The following PELI3 variants were observed in gnomAD, a reference collection of about 807,000 sequenced individuals.
PELI3 encodes the protein E3 ubiquitin-protein ligase pellino homolog 3.
PELI3 carries 19 observed loss-of-function variants against 35.5 expected under a neutral mutation model. That is an observed-to-expected ratio of 0.54 (90% CI 0.37 to 0.79). The LOEUF is 0.79. Among genes scored for constraint, PELI3 ranks in the 30% least tolerant of loss-of-function variants. The pLI is 0.00. For synonymous variants in PELI3, 262 were observed against 279.2 expected, an observed-to-expected ratio of 0.94 and a Z score of 0.62; for missense variants, 490 against 661.2, an observed-to-expected ratio of 0.74 and a Z score of 2.84.
rs140773011 is a variant in PELI3, at chr11:66,469,800, T to G, written c.224+896T>G. Among the ~76,000 whole-genome samples, 195 of 143,742 alleles carry G rather than the reference T, an allele frequency of 1.4e-3. 1 individual carries two copies. The highest frequency in any genetic ancestry group is 0.012 in the East Asian group (60 of 4,970). The allele number at this position is 143,742 out of a possible 152,430, so 94.3% of individuals were successfully genotyped here. On this transcript the variant is annotated intron_variant, in intron 3 of 7. Coordinates refer to ENST00000320740, the MANE Select transcript of PELI3 (RefSeq NM_145065.3). ...TGGGACCAGGGAATCTGTTTTTTTT[T>G]TTTGTTTTTTTTTTTTTGAGACAGA...
intron 4 of PELI3, 22 bp downstream of exon 4, chr11:66,471,393 C>T: frequency 1.2e-6 from 2 of 1,611,488 alleles, no homozygotes; most frequent in Non-Finnish European, 1.7e-6. Context: ...ACCCATAGAC[C>T]TGAGGTCCTG....
At chr11:66,469,045 G>A (rs1854629333) in intron 3 of PELI3, 141 bp downstream of exon 3, 1 of 541,348 alleles carries the variant, frequency 1.8e-6, no homozygotes, top group Non-Finnish European at 3.4e-6. Flanking sequence ...CTGGCGGCCT[G>A]GCCAACCTCA....
chr11:66,471,085 G>A (rs1854698592), intron 3 of PELI3, among the ~76,000 whole-genome samples, 157 bp from the exon 4 acceptor site: 1 of 152,206 alleles, frequency 6.6e-6, no homozygotes, highest in Non-Finnish European at 1.5e-5. Flanking sequence ...ATTTGTTATT[G>A]TAGGGTCTTC....
At position 66,476,404 on chromosome 11, in the gene PELI3, GAAAGC is replaced by G; in HGVS notation, c.*238_*242del. 1 of 566,598 alleles carries G rather than the reference GAAAGC, an allele frequency of 1.8e-6. No homozygotes were observed. The highest frequency in any genetic ancestry group is 3.0e-5 in the East Asian group (1 of 33,384). The allele number at this position is 566,598 out of a possible 1,614,324, so 35.1% of individuals were successfully genotyped here. A position where few individuals can be genotyped will look rare whatever the true frequency, so the allele number is the denominator to read the frequency against. On this transcript the variant is annotated 3_prime_UTR_variant, in exon 8 of 8. Coordinates refer to ENST00000320740, the MANE Select transcript of PELI3 (RefSeq NM_145065.3). ...CCAGCTCTGTCCTGGGTCGATGGAG[GAAAGC>G]CCAGCCCCATGGCCTTGCCCTTCCT...
chr11:66,472,172 C>T (rs1244663503), intron 4 of PELI3, among the ~76,000 whole-genome samples, 197 bp from the exon 5 acceptor site: 1 of 152,116 alleles, frequency 6.6e-6, no homozygotes, highest in East Asian at 1.9e-4. Context: ...CCGCACCCAG[C>T]CTGATAACCC....
At chr11:66,468,091 G>A in intron 1 of PELI3, 37 bp from the exon 2 acceptor site, 1 of 1,551,446 alleles carries the variant, frequency 6.4e-7, no homozygotes, top group Non-Finnish European at 8.7e-7. Flanking sequence ...GCTGGGGTGG[G>A]AACCTACAAA....
At position 66,473,411 on chromosome 11, in the gene PELI3, T is replaced by C. The variant is rs2277302; in HGVS notation, c.627T>C (p.Asp209=). ...YTARIYAAGF[D]ASSNIFLGER... is the part of the protein sequence containing the mutation. The stretch of plus-strand genomic sequence containing the variant: ...CCCGCATCTATGCCGCTGGCTTCGA[T>C]GCCTCTAGCAACATCTTCCTTGGAG... Residue 209 remains aspartate, a synonymous_variant, in exon 6 of 8, where the codon GAT becomes GAC. Transcript: ENST00000320740. This position sits in a 1 kb window ranked among gnomAD's most constrained non-coding sequence, Gnocchi z 5.8. 0.25 allele frequency: 395,801 copies of C among 1,612,418 alleles called. 50,539 individuals carry two copies. Among genetic ancestry groups the C allele is most frequent in the African/African-American group, 0.34 (25,282 of 74,924 alleles).
At position 66,473,071 on chromosome 11, in the gene PELI3, C is replaced by T. The variant is rs146426622; in HGVS notation, c.457-170C>T. ...CGGCTTCTTGGACTTGGAGACCCCACCTGGGAGCCTAGAGGGCCTATGGAG... is the reference window on the plus strand; with the variant it reads ...CGGCTTCTTGGACTTGGAGACCCCATCTGGGAGCCTAGAGGGCCTATGGAG... On this transcript the variant is annotated intron_variant, in intron 5 of 7. Coordinates refer to ENST00000320740, the MANE Select transcript of PELI3 (RefSeq NM_145065.3). This position sits in a 1 kb window ranked among gnomAD's most constrained non-coding sequence, Gnocchi z 5.8. 4.0e-4 allele frequency among the ~76,000 whole-genome samples: 61 copies of T among 152,268 alleles called. No individual in the cohort carries two copies. Among genetic ancestry groups the T allele is most frequent in the African/African-American group, 1.4e-3 (58 of 41,542 alleles).
rs1273251496 is a variant in PELI3 at position 66,469,796 on chromosome 11, TTTTTTTTG to T, written c.224+900_224+907del. Among the ~76,000 whole-genome samples, 13 of 142,816 alleles carry T rather than the reference TTTTTTTTG, an allele frequency of 9.1e-5. 1 individual carries two copies. The highest frequency in any genetic ancestry group is 3.4e-4 in the African/African-American group (13 of 38,278). The allele number at this position is 142,816 out of a possible 152,430, so 93.7% of individuals were successfully genotyped here. ...TGGGTGGGACCAGGGAATCTGTTTT[TTTTTTTTG>T]TTTTTTTTTTTTTGAGACAGAGTCT... On this transcript the variant is annotated intron_variant, in intron 3 of 7. Coordinates refer to ENST00000320740, the MANE Select transcript of PELI3 (RefSeq NM_145065.3).
chr11:66,471,908 G>A (rs1425626955), intron 4 of PELI3, among the ~76,000 whole-genome samples: 1 of 152,102 alleles, frequency 6.6e-6, no homozygotes, highest in Admixed American at 6.5e-5. Flanking sequence ...CACCCAGGCT[G>A]GAGTACAGTG....
At chr11:66,474,982 C>T (rs950242329) in intron 7 of PELI3, 3 of 152,386 alleles carry the variant, frequency 2.0e-5, no homozygotes, top group Admixed American at 1.3e-4. Context: ...GCGCTCGTCT[C>T]GGCCTCCCAA....
Position 66,471,329 on chromosome 11 carries a change from G to A in PELI3, c.312G>A (p.Lys104=), listed in dbSNP as rs1678844324. The change falls in exon 4 of 8, where the codon AAG becomes AAA. Residue 104 remains lysine (K), a synonymous_variant. Coordinates refer to ENST00000320740, the MANE Select transcript of PELI3 (RefSeq NM_145065.3). ...LSRRSHANGV[K]PDVMHHISTP... ...GCCGGTCGCACGCCAACGGGGTGAA[G>A]CCAGACGTCATGCACCACATCTCCA... 1 of 1,613,940 alleles carries A rather than the reference G, an allele frequency of 6.2e-7. No individual in the cohort carries two copies. The highest frequency in any genetic ancestry group is 1.3e-5 in the African/African-American group (1 of 74,940).
chr11:66,473,423 C>T lies in PELI3; in HGVS notation c.639C>T (p.Asn213=). Residue 213 remains asparagine, a synonymous_variant, in exon 6 of 8, where the codon AAC becomes AAT. Transcript: ENST00000320740. The surrounding 1 kb of genome is among the most constrained non-coding windows in gnomAD (Gnocchi z 5.8). ...CCGCTGGCTTCGATGCCTCTAGCAACATCTTCCTTGGAGTGAGTGAGCCCC... is the reference window on the plus strand; with the variant it reads ...CCGCTGGCTTCGATGCCTCTAGCAATATCTTCCTTGGAGTGAGTGAGCCCC... ...IYAAGFDASS[N]IFLGERAAKW... The T allele has an allele frequency of 6.2e-7, 1 of 1,612,036 alleles. No individual in the cohort carries two copies. The highest frequency in any genetic ancestry group is 8.5e-7 in the Non-Finnish European group (1 of 1,179,036).
At chr11:66,469,587 G>C (rs1249112728) in intron 3 of PELI3, among the ~76,000 whole-genome samples, 1 of 152,218 alleles carries the variant, frequency 6.6e-6, no homozygotes, top group African/African-American at 2.4e-5. Context: ...CCCAAAGGCA[G>C]GACTGGCTTT....
In PELI3 at chr11:66,467,210, C is replaced by T. The variant is rs1332545124; in HGVS notation, c.-2+183C>T. Among the ~76,000 whole-genome samples the T allele has an allele frequency of 2.0e-5, 3 of 150,324 alleles. No individual in the cohort carries two copies. Among genetic ancestry groups the T allele is most frequent in the Admixed American group, 6.6e-5 (1 of 15,122 alleles). ...GGGTGGTCTCTGCGCCGTCCGGGCCCGGGGCGTGCGGGGCCGTGCACGCGC... is the reference window on the plus strand; with the variant it reads ...GGGTGGTCTCTGCGCCGTCCGGGCCTGGGGCGTGCGGGGCCGTGCACGCGC... On this transcript the variant is annotated intron_variant, in intron 1 of 7. Coordinates refer to ENST00000320740, the MANE Select transcript of PELI3 (RefSeq NM_145065.3). The surrounding 1 kb of genome is among the most constrained non-coding windows in gnomAD (Gnocchi z 4.2).
intron 5 of PELI3, among the ~76,000 whole-genome samples, chr11:66,472,818 T>C (rs1169541323): frequency 6.6e-6 from 1 of 152,182 alleles, no homozygotes; most frequent in East Asian, 1.9e-4. Context: ...ATCTGTAAAA[T>C]GAGGCCCATA....
intron 3 of PELI3, among the ~76,000 whole-genome samples, chr11:66,469,127 C>G (rs565315695): frequency 1.1e-4 from 17 of 152,264 alleles, no homozygotes; most frequent in African/African-American, 4.1e-4. Flanking sequence ...GACAGACCCT[C>G]TTCCTCCTCC....
rs745920534 is a variant in PELI3, at chr11:66,475,966, CCTCTG to C, written c.1211_1215del (p.Leu404ProfsTer7). 1 of 1,611,812 alleles carries C rather than the reference CCTCTG, an allele frequency of 6.2e-7. No homozygotes were observed. Among genetic ancestry groups the C allele is most frequent in the Admixed American group, 1.7e-5 (1 of 60,020 alleles). On this transcript the variant is annotated frameshift_variant, in exon 8 of 8. Coordinates refer to ENST00000320740, the MANE Select transcript of PELI3 (RefSeq NM_145065.3). LOFTEE classifies it high-confidence loss of function. ...CTCTATGGCTTGGCCAGGAGGCCGG[CCTCTG>C]CCTGGACCCTGGGCCGCCTAGCCAT...
upstream of PELI3, chr11:66,466,658 G>A (rs1018905853): frequency 6.6e-6 from 1 of 152,058 alleles, no homozygotes; most frequent in Non-Finnish European, 1.5e-5. Context: ...AGCCGGCTAG[G>A]AGGGGCAAGG....
Sources: gnomAD v4.1 joint callset for allele counts (sites outside exome capture counted in the v4.1 genomes callset) on GRCh38, gnomAD v4.1.1 for gene constraint, Gnocchi (gnomAD v3.1) non-coding constraint, MANE v1.5 for transcripts, NCBI Gene and HGNC (gene_info 2026-07-23, HGNC 2026-07-21) for gene names.